GPR19: variants seen among roughly 807,000 people sequenced by gnomAD.
GPR19 encodes the protein G protein-coupled receptor 19, also known as probable G protein-coupled receptor 19.
Under a neutral mutation model 28.5 loss-of-function variants are expected in GPR19, and 14 were observed. The ratio of observed to expected loss-of-function variants is 0.49; its 90% CI spans 0.32 to 0.77. GPR19 has a LOEUF of 0.77. Ranked by LOEUF, GPR19 falls within the 30% of genes least tolerant of loss-of-function variation. The probability of loss-of-function intolerance (pLI) is 0.03; values close to 1 mark genes in which losing one functional copy is unlikely to be tolerated. For missense variants in GPR19, 409 were observed against 504.1 expected (o/e 0.81, Z 1.81); for synonymous variants, 173 against 184.1 (o/e 0.94, Z 0.49).
intron 3 of GPR19, among the ~76,000 whole-genome samples, chr12:12,670,956 C>G (rs1211590373): frequency 6.6e-6 from 1 of 152,032 alleles, no homozygotes; most frequent in African/African-American, 2.4e-5. Context: ...CATCAAAATA[C>G]ATAATACAAC....
At chr12:12,678,653 A>G (rs904038368) in intron 3 of GPR19, among the ~76,000 whole-genome samples, 1 of 152,220 alleles carries the variant, frequency 6.6e-6, no homozygotes. Flanking sequence ...CCCAATTTGA[A>G]GATTTATTTC....
chr12:12,696,887 T>C (rs1565413377), upstream of GPR19, among the ~76,000 whole-genome samples: 1 of 152,150 alleles, frequency 6.6e-6, no homozygotes, highest in Non-Finnish European at 1.5e-5. Flanking sequence ...GGGAAAACAC[T>C]GGACACTCAG....
chr12:12,700,818 T>C (rs1248128704), upstream of GPR19, among the ~76,000 whole-genome samples: 13 of 152,228 alleles, frequency 8.5e-5, 1 homozygote, highest in Admixed American at 8.5e-4. Flanking sequence ...AAGAATTTAG[T>C]ATAAAAAATA....
chr12:12,697,779 A>G (rs568330961), upstream of GPR19, among the ~76,000 whole-genome samples: 2 of 152,346 alleles, frequency 1.3e-5, no homozygotes, highest in South Asian at 2.1e-4. Flanking sequence ...CTCACGTTCA[A>G]TATGATAAAA....
chr12:12,675,466 A>G (rs1945918133), intron 3 of GPR19, among the ~76,000 whole-genome samples: 1 of 152,162 alleles, frequency 6.6e-6, no homozygotes, highest in Non-Finnish European at 1.5e-5. Flanking sequence ...GAACCTGTGA[A>G]TGTGTTATGT....
At chr12:12,669,300 A>G (rs1330013087) in intron 3 of GPR19, among the ~76,000 whole-genome samples, 1 of 152,210 alleles carries the variant, frequency 6.6e-6, no homozygotes, top group Non-Finnish European at 1.5e-5. Context: ...TGGCATTTCA[A>G]CATGCTGCAT....
the GPR19 span, among the ~76,000 whole-genome samples, chr12:12,710,696 C>T: frequency 2.6e-5 from 4 of 151,988 alleles, no homozygotes; most frequent in Non-Finnish European, 4.4e-5. Context: ...AACACTGTGC[C>T]CAGCTGTTTT....
chr12:12,668,084 G>C (rs2136321177), intron 3 of GPR19, among the ~76,000 whole-genome samples: 1 of 152,284 alleles, frequency 6.6e-6, no homozygotes, highest in South Asian at 2.1e-4. Context: ...GAGACATTGT[G>C]AAGATATTTA....
At chr12:12,691,957 G>A (rs1236632237) in intron 2 of GPR19, among the ~76,000 whole-genome samples, 1 of 152,190 alleles carries the variant, frequency 6.6e-6, no homozygotes, top group Admixed American at 6.5e-5. Flanking sequence ...GTTGGCACCT[G>A]ACTTAGTTTA....
chr12:12,707,140 T>A, the GPR19 span, among the ~76,000 whole-genome samples: 1 of 152,210 alleles, frequency 6.6e-6, no homozygotes, highest in East Asian at 1.9e-4. Flanking sequence ...CCCAGACACA[T>A]TCCTACCTCA....
intron 2 of GPR19, among the ~76,000 whole-genome samples, chr12:12,694,472 C>A (rs1302610332): frequency 6.6e-6 from 1 of 151,744 alleles, no homozygotes; most frequent in East Asian, 1.9e-4. Context: ...TCCCAAAGTG[C>A]TGAGATTACA....
chr12:12,675,655 C>G (rs1437642566), intron 3 of GPR19, among the ~76,000 whole-genome samples: 1 of 152,140 alleles, frequency 6.6e-6, no homozygotes, highest in Non-Finnish European at 1.5e-5. Context: ...AATTGACATG[C>G]TATTGCAGGC....
chr12:12,710,361 A>AG, the GPR19 span, among the ~76,000 whole-genome samples: 1 of 151,278 alleles, frequency 6.6e-6, no homozygotes, highest in Admixed American at 6.6e-5. Context: ...CTCCAAAAAA[A>AG]AAAAAAAAAT....
At chr12:12,664,737 A>G (rs919616793) in intron 3 of GPR19, among the ~76,000 whole-genome samples, 6 of 151,734 alleles carry the variant, frequency 4.0e-5, no homozygotes, top group Non-Finnish European at 5.9e-5. Flanking sequence ...TGGCTAACAC[A>G]GTGAAACCCC....
At chr12:12,665,522 G>A (rs1478563392) in intron 3 of GPR19, among the ~76,000 whole-genome samples, 1 of 152,168 alleles carries the variant, frequency 6.6e-6, no homozygotes, top group Admixed American at 6.5e-5. Flanking sequence ...TCAATAAGCC[G>A]AGAAACTGGG....
chr12:12,714,358 CA>C, the GPR19 span, among the ~76,000 whole-genome samples: 1 of 152,166 alleles, frequency 6.6e-6, no homozygotes, highest in Non-Finnish European at 1.5e-5. Context: ...TTTGGGGCTG[CA>C]GAACTTGGGT....
intron 3 of GPR19, among the ~76,000 whole-genome samples, chr12:12,676,270 C>G (rs1945929646): frequency 1.3e-5 from 2 of 152,132 alleles, no homozygotes; most frequent in South Asian, 4.1e-4. Context: ...AATCAACCTC[C>G]TTGAACCTCT....
At chr12:12,716,997 C>A in the GPR19 span, 6 of 996,294 alleles carry the variant, frequency 6.0e-6, no homozygotes, top group Non-Finnish European at 7.2e-6. Flanking sequence ...TCCCGGCTTC[C>A]CGGGCGAGGA....
the GPR19 span, among the ~76,000 whole-genome samples, chr12:12,705,832 G>C: frequency 6.6e-6 from 1 of 152,148 alleles, no homozygotes; most frequent in Non-Finnish European, 1.5e-5. Flanking sequence ...TTAGAAACAT[G>C]AGCCACCAAG....
Sources: gnomAD v4.1 joint callset for allele counts (sites outside exome capture counted in the v4.1 genomes callset) on GRCh38, gnomAD v4.1.1 for gene constraint, MANE v1.5 for transcripts, NCBI Gene and HGNC (gene_info 2026-07-23, HGNC 2026-07-21) for gene names.